SELE: variants seen among roughly 807,000 people sequenced by gnomAD.
SELE encodes the protein E-selectin.
A neutral mutation model predicts 75.8 loss-of-function variants in SELE; 52 were observed. The observed-to-expected ratio is 0.69, with a 90% CI of 0.55 to 0.86. The LOEUF (loss-of-function observed/expected upper bound fraction) is 0.86. SELE is among the 40% of genes least tolerant of loss of function. SELE has a pLI of 0.00. For missense variants in SELE, 754 were observed against 732.7 expected, an observed-to-expected ratio of 1.03 and a Z score of -0.34; for synonymous variants, 285 against 258.7, an observed-to-expected ratio of 1.10 and a Z score of -0.98.
At chr1:169,727,288 C>A in intron 10 of SELE, 61 bp downstream of exon 10, 1 of 1,539,774 alleles carries the variant, frequency 6.5e-7, no homozygotes, top group Non-Finnish European at 8.8e-7. Flanking sequence ...ATTACTGTAA[C>A]AAGATAGCTC....
intron 5 of SELE, 54 bp from the exon 6 acceptor site, chr1:169,729,727 C>T (rs1648862608): frequency 1.3e-6 from 2 of 1,566,802 alleles, no homozygotes; most frequent in East Asian, 2.2e-5. Context: ...CTTTTCACTT[C>T]CTATTGAGCT....
chr1:169,727,980 G>A (rs1029458321), intron 8 of SELE, 53 bp from the exon 9 acceptor site: 11 of 1,588,110 alleles, frequency 6.9e-6, no homozygotes, highest in Middle Eastern at 1.7e-4. Context: ...CCAGCAATAC[G>A]TTTCCCAAGG....
At position 169,725,599 on chromosome 1, in the gene SELE, A is replaced by G. The variant is rs1648719963; in HGVS notation, c.*15+130T>C. On this transcript the variant is annotated intron_variant, in intron 13 of 13. Transcript: ENST00000333360. ...ACAAAAAATAAAGCAACTTTCCAGAACAATACCCAGGTGATGATTTCTCCC... is the reference window on the plus strand; with the variant it reads ...ACAAAAAATAAAGCAACTTTCCAGAGCAATACCCAGGTGATGATTTCTCCC... The G allele has an allele frequency of 7.4e-6, 5 of 678,798 alleles. No individual in the cohort carries two copies. In the East Asian group the frequency reaches 1.3e-4, roughly 18 times the overall value. 42.0% of individuals were successfully genotyped at this position (678,798 alleles called of 1,614,324 possible).
Position 169,733,967 on chromosome 1 carries a change from T to C in SELE, c.-49+4A>G. ...GCTGCCCTTATAAAGCGTTCTGCAC[T>C]TACCGTTTTGGGAAGCAGTTGTTCA... On this transcript the variant is annotated splice_donor_region_variant and intron_variant, in intron 1 of 13. Transcript: ENST00000333360. The C allele has an allele frequency of 4.1e-6, 1 of 245,418 alleles. No individual in the cohort carries two copies. The highest frequency in any genetic ancestry group is 7.9e-6 in the Non-Finnish European group (1 of 125,820). 15.2% of individuals were successfully genotyped at this position (245,418 alleles called of 1,614,324 possible).
In SELE at chr1:169,724,165, T is replaced by C. The variant is rs13306828; in HGVS notation, c.*360A>G. On this transcript the variant is annotated 3_prime_UTR_variant, in exon 14 of 14. Transcript: ENST00000333360. ...GCAAAAGAAAGAAAGCCACAAAATA[T>C]TGTGTTTCTGTGCCAAGATTTTACA... The C allele has an allele frequency of 6.6e-6, 1 of 152,244 alleles. No individual in the cohort carries two copies. The highest frequency in any genetic ancestry group is 1.9e-4 in the East Asian group (1 of 5,204). 9.4% of individuals were successfully genotyped at this position (152,244 alleles called of 1,614,324 possible). A position where few individuals can be genotyped will look rare whatever the true frequency, so the allele number is the denominator to read the frequency against.
chr1:169,733,293 C>T (rs532964757), intron 2 of SELE, among the ~76,000 whole-genome samples: 4 of 152,216 alleles, frequency 2.6e-5, no homozygotes, highest in East Asian at 1.9e-4. Context: ...TTAGTATGCA[C>T]CAAGAAGCAC....
intron 10 of SELE, 29 bp downstream of exon 10, chr1:169,727,320 C>A: frequency 6.3e-7 from 1 of 1,585,192 alleles, no homozygotes; most frequent in Non-Finnish European, 8.6e-7. Context: ...TTTTAATCAC[C>A]AGACAACCAC....
At chr1:169,727,995 C>A in intron 8 of SELE, 63 bp downstream of exon 8, 1 of 1,585,634 alleles carries the variant, frequency 6.3e-7, no homozygotes, top group Non-Finnish European at 8.6e-7. Context: ...CCAAGGTAAC[C>A]AAGTTCCCAA....
At position 169,724,802 on chromosome 1, in the gene SELE, G is replaced by A. The variant is rs1266617274; in HGVS notation, c.*16-293C>T. On this transcript the variant is annotated intron_variant, in intron 13 of 13. Coordinates refer to ENST00000333360, the MANE Select transcript of SELE (RefSeq NM_000450.2). Reference sequence around the variant, plus strand: ...CACTAATATAAGATGTTAATAACAGGGGGAATTGAAGGGGTGGTGGGGAGA... The same window carrying A: ...CACTAATATAAGATGTTAATAACAGAGGGAATTGAAGGGGTGGTGGGGAGA... 2.0e-5 allele frequency among the ~76,000 whole-genome samples: 3 copies of A among 152,174 alleles called. No homozygotes were observed. In the East Asian group the frequency reaches 5.8e-4, roughly 29 times the overall value.
At chr1:169,730,073 G>C (rs766322314) in intron 5 of SELE, among the ~76,000 whole-genome samples, 14 of 152,108 alleles carry the variant, frequency 9.2e-5, no homozygotes, top group Non-Finnish European at 1.8e-4. Flanking sequence ...GAGAGAAAAA[G>C]AGATACTAAG....
chr1:169,726,582 T>C (rs1450768923), intron 11 of SELE, 117 bp downstream of exon 11: 3 of 756,620 alleles, frequency 4.0e-6, no homozygotes, highest in South Asian at 1.5e-5. Context: ...TTAATTATAC[T>C]GCATTTTATC....
At chr1:169,725,030 G>A (rs1648708713) in intron 13 of SELE, among the ~76,000 whole-genome samples, 1 of 152,116 alleles carries the variant, frequency 6.6e-6, no homozygotes, top group Non-Finnish European at 1.5e-5. Flanking sequence ...CCACTTACTA[G>A]CTTTGAGATT....
intron 11 of SELE, among the ~76,000 whole-genome samples, 191 bp from the exon 12 acceptor site, chr1:169,726,119 G>A (rs1023493324): frequency 6.6e-6 from 1 of 152,146 alleles, no homozygotes; most frequent in African/African-American, 2.4e-5. Context: ...GCCATCCAAA[G>A]GGCATAGCAG....
Position 169,730,425 on chromosome 1 carries a change from G to T in SELE, c.715+7C>A, listed in dbSNP as rs1476547662. 3.2e-6 allele frequency: 5 copies of T among 1,581,702 alleles called. No homozygotes were observed. The highest frequency in any genetic ancestry group is 4.3e-6 in the Non-Finnish European group (5 of 1,158,768). ...AGAACGTTCTGTGCATTCTCAGAGG[G>T]ATTTACCATTGCAGGCTGGAATAGG... On this transcript the variant is annotated splice_region_variant and intron_variant, in intron 5 of 13. Coordinates refer to ENST00000333360, the MANE Select transcript of SELE (RefSeq NM_000450.2).
At position 169,727,003 on chromosome 1, in the gene SELE, T is replaced by G. The variant is rs145751375; in HGVS notation, c.1646-197A>C. ...GCCACCTTTGAAGCTATTTCCACCA[T>G]TGGCAGGCAGAACTCTAACTTGCCA... On this transcript the variant is annotated intron_variant, in intron 10 of 13. Transcript: ENST00000333360. 4.1e-4 allele frequency among the ~76,000 whole-genome samples: 63 copies of G among 152,270 alleles called. No homozygotes were observed. In the South Asian group the frequency reaches 8.3e-3, roughly 20 times the overall value.
intron 7 of SELE, 44 bp from the exon 8 acceptor site, chr1:169,728,290 AGAGAGTACTTGGCG>A (rs1303735219): frequency 1.3e-6 from 2 of 1,592,644 alleles, no homozygotes; most frequent in Non-Finnish European, 1.7e-6. Context: ...CAGTGGAACT[AGAGAGTACTTGGCG>A]TTTGTTGAGT....
At chr1:169,728,450 T>C (rs1076638) in intron 7 of SELE, among the ~76,000 whole-genome samples, 34,234 of 152,090 alleles carry the variant, frequency 0.23, 4,601 homozygotes, top group East Asian at 0.48. Flanking sequence ...GACTAATTAA[T>C]CAGAACATTA....
intron 8 of SELE, 48 bp from the exon 9 acceptor site, chr1:169,727,975 A>G (rs368115829): frequency 1.1e-5 from 17 of 1,593,118 alleles, no homozygotes; most frequent in Admixed American, 1.8e-5. Flanking sequence ...CATCTCCAGC[A>G]ATACGTTTCC....
intron 3 of SELE, 121 bp downstream of exon 3, chr1:169,732,493 AG>A: frequency 8.3e-7 from 1 of 1,203,408 alleles, no homozygotes; most frequent in East Asian, 2.4e-5. Flanking sequence ...AAACTTTAGC[AG>A]TTAAACAGAA....
Sources: allele counts gnomAD v4.1 joint callset (sites outside exome capture counted in the v4.1 genomes callset), GRCh38; gene constraint gnomAD v4.1.1; transcripts MANE v1.5; gene names NCBI Gene and HGNC (gene_info 2026-07-23, HGNC 2026-07-21).